The following DST variants were observed in gnomAD, a reference collection of about 807,000 sequenced individuals.
The protein encoded by DST is bullous pemphigoid antigen.
DST carries 253 observed loss-of-function variants against 875.2 expected under a neutral mutation model. The observed-to-expected ratio is 0.29, with a 90% CI of 0.26 to 0.32. The LOEUF is 0.32. Among genes scored for constraint, DST ranks in the 10% least tolerant of loss-of-function variants. DST has a pLI of 1.00. For synonymous variants in DST, 3,124 were observed against 3,197.1 expected, an observed-to-expected ratio of 0.98 and a Z score of 0.77; for missense variants, 8,287 against 9,111.6, an observed-to-expected ratio of 0.91 and a Z score of 3.68.
In DST at chr6:56,631,254, T is replaced by G. The variant is rs1169134341; in HGVS notation, c.4099A>C (p.Asn1367His). 1 of 1,613,974 alleles carries G rather than the reference T, an allele frequency of 6.2e-7. No individual in the cohort carries two copies. The highest frequency in any genetic ancestry group is 1.1e-5 in the South Asian group (1 of 91,074). Reference sequence around the variant, plus strand: ...GACATAGAATAGACTTGGTTCATGTTCTGAAGGACCACATTAAGCTCTGAT... The same window carrying G: ...GACATAGAATAGACTTGGTTCATGTGCTGAAGGACCACATTAAGCTCTGAT... ...LRSELNVVLQ[N>H]MNQVYSMSST... The change falls in exon 30 of 104, where the codon AAC becomes CAC. Residue 1367 changes from asparagine (N) to histidine (H), a missense_variant. By Grantham distance (68) the Asn-to-His change is moderately conservative. Around this residue, in one of 10 missense-constraint regions of DST, gnomAD observed 3,138 missense variants for 3,116.6 expected, o/e 1.01. Coordinates refer to ENST00000680361, the MANE Select transcript of DST (RefSeq NM_001374736.1).
chr6:56,681,743 T>C (rs2152843233), intron 9 of DST, among the ~76,000 whole-genome samples: 1 of 152,324 alleles, frequency 6.6e-6, no homozygotes, highest in East Asian at 1.9e-4. Context: ...TCAGTAAATA[T>C]CCAATGGACA....
At chr6:56,817,088 AACACACACAC>A (rs55717102) in intron 4 of DST, among the ~76,000 whole-genome samples, 11 of 149,250 alleles carry the variant, frequency 7.4e-5, no homozygotes, top group Non-Finnish European at 1.6e-4. Flanking sequence ...AAGCCACTTA[AACACACACAC>A]ACACACACAC....
intron 102 of DST, chr6:56,461,214 AT>A (rs1247729867): frequency 6.6e-6 from 1 of 152,018 alleles, no homozygotes; most frequent in Admixed American, 6.5e-5. Context: ...ATTAATAGTC[AT>A]TTATCTACAT....
chr6:56,635,552 T>A (rs751363664), intron 24 of DST, 37 bp downstream of exon 24: 1 of 1,607,926 alleles, frequency 6.2e-7, no homozygotes, highest in Admixed American at 1.7e-5. Flanking sequence ...TAATCACTTA[T>A]GCATACTTAT....
intron 2 of DST, among the ~76,000 whole-genome samples, chr6:56,930,587 T>C (rs551289644): frequency 4.7e-4 from 71 of 152,336 alleles, no homozygotes; most frequent in African/African-American, 1.6e-3. Flanking sequence ...ATAAAACAGA[T>C]TCTAGACGGG....
At chr6:56,685,004 A>T (rs1446316985) in intron 9 of DST, among the ~76,000 whole-genome samples, 1 of 16,188 alleles carries the variant, frequency 6.2e-5, no homozygotes. Context: ...CCCCCACCCC[A>T]CACAGAAGAG....
chr6:56,793,361 G>A (rs2153009286), intron 4 of DST, among the ~76,000 whole-genome samples: 2 of 152,104 alleles, frequency 1.3e-5, no homozygotes, highest in South Asian at 4.2e-4. Context: ...AATTTTAATG[G>A]TTCAGTAAAA....
intron 102 of DST, 67 bp downstream of exon 102, chr6:56,462,979 G>T: frequency 2.3e-6 from 2 of 864,870 alleles, no homozygotes; most frequent in South Asian, 1.7e-5. Context: ...GTGGTGCAAC[G>T]ATGTTAGTGA....
At position 56,954,647 on chromosome 6, in the gene DST, C is replaced by A; in HGVS notation, c.-60G>T. 8.7e-7 allele frequency: 1 copy of A among 1,150,414 alleles called. No individual in the cohort carries two copies. Among genetic ancestry groups the A allele is most frequent in the Non-Finnish European group, 1.1e-6 (1 of 910,220 alleles). 71.3% of individuals were successfully genotyped at this position (1,150,414 alleles called of 1,614,324 possible). On this transcript the variant is annotated 5_prime_UTR_variant, in exon 1 of 104. Transcript: ENST00000680361. ...GCTGGAGGGCGGCGGCACAGGCACCCGCGCTGGGCGCACGCCGGGACGGCG... is the reference window on the plus strand; with the variant it reads ...GCTGGAGGGCGGCGGCACAGGCACCAGCGCTGGGCGCACGCCGGGACGGCG...
chr6:56,649,453 T>TA (rs2098962031), intron 12 of DST, among the ~76,000 whole-genome samples: 1 of 152,176 alleles, frequency 6.6e-6, no homozygotes, highest in Non-Finnish European at 1.5e-5. Context: ...CTAAAACGGG[T>TA]AGTACATGCT....
Position 56,604,556 on chromosome 6 carries a change from T to C in DST, c.10072A>G (p.Ile3358Val). The C allele has an allele frequency of 1.2e-6, 2 of 1,612,302 alleles. No individual in the cohort carries two copies. Among genetic ancestry groups the C allele is most frequent in the East Asian group, 4.5e-5 (2 of 44,854 alleles). The change falls in exon 40 of 104, where the codon ATC (isoleucine) becomes GTC (valine). Residue 3358 changes from isoleucine (I) to valine (V), a missense_variant. Transcript: ENST00000680361. ...SQVFVEDVKD[I>V]LKSRLKEGHM... is the part of the protein sequence containing the mutation. ...CCTTCTTTCAACCTGCTTTTTAAGA[T>C]ATCCTTTACATCCTCCACAAATACC...
At chr6:56,917,008 A>AAAAAAC (rs1449615286) in intron 2 of DST, among the ~76,000 whole-genome samples, 3 of 101,442 alleles carry the variant, frequency 3.0e-5, no homozygotes, top group East Asian at 1.9e-4. Flanking sequence ...AAAAAAAAAA[A>AAAAAAC]AAAAAAAAAG....
In DST at chr6:56,920,895, A is replaced by ATTTTTTTT. The variant is rs35394550; in HGVS notation, c.217-20282_217-20275dup. 2.3e-4 allele frequency among the ~76,000 whole-genome samples: 14 copies of ATTTTTTTT among 59,678 alleles called. 3 individuals are homozygous for ATTTTTTTT. Among genetic ancestry groups the ATTTTTTTT allele is most frequent in the Admixed American group, 4.5e-4 (2 of 4,396 alleles). The allele number at this position is 59,678 out of a possible 152,430, so 39.2% of individuals were successfully genotyped here. ...AGGAACACACAACCACGCCCAGCTA[A>ATTTTTTTT]TTTTTTTTTTTTTTTTTTTTTTTTT... is the stretch of plus-strand genomic sequence containing the variant. On this transcript the variant is annotated intron_variant, in intron 2 of 103. Transcript: ENST00000680361.
Position 56,532,458 on chromosome 6 carries a change from C to T in DST, c.16994G>A (p.Arg5665Gln), listed in dbSNP as rs2096912716. ...DRKSTVEVIK[R>Q]EGEKIATTAE... ...TGTTGTAGCAATTTTTTCTCCTTCT[C>T]GTTTGATTACCTCCACCGTAGATTT... The change falls in exon 64 of 104, where the codon CGA (arginine) becomes CAA (glutamine). Residue 5665 changes from arginine (R) to glutamine (Q), a missense_variant. Arg to Gln is a conservative substitution (Grantham distance 43). Coordinates refer to ENST00000680361, the MANE Select transcript of DST (RefSeq NM_001374736.1). 4 of 1,610,934 alleles carry T rather than the reference C, an allele frequency of 2.5e-6. No individual in the cohort carries two copies. Among genetic ancestry groups the T allele is most frequent in the South Asian group, 1.1e-5 (1 of 90,428 alleles).
intron 4 of DST, among the ~76,000 whole-genome samples, chr6:56,820,002 T>C (rs2099771178): frequency 6.6e-6 from 1 of 152,236 alleles, no homozygotes; most frequent in Admixed American, 6.5e-5. Context: ...GTAATTTACT[T>C]AAAATTTATC....
chr6:56,730,030 A>T (rs2099490949), intron 5 of DST, among the ~76,000 whole-genome samples: 1 of 152,204 alleles, frequency 6.6e-6, no homozygotes, highest in Non-Finnish European at 1.5e-5. Context: ...TGTGTCAATA[A>T]ATTAAAGTTT....
chr6:56,549,156 C>A (rs2097278181), intron 61 of DST, among the ~76,000 whole-genome samples: 1 of 152,172 alleles, frequency 6.6e-6, no homozygotes, highest in African/African-American at 2.4e-5. Flanking sequence ...AAGGCACCCC[C>A]TGCTGAGTAA....
chr6:56,645,939 T>A lies in DST; in HGVS notation c.1705A>T (p.Ile569Leu). The A allele has an allele frequency of 1.2e-6, 2 of 1,613,858 alleles. No individual in the cohort carries two copies. The highest frequency in any genetic ancestry group is 1.3e-5 in the African/African-American group (1 of 75,044). ...KLLQGYHPND[I>L]EKEWGKLIIA... ...ATGAGTTTCCCCCACTCTTTTTCTA[T>A]GTCATTTGGATGATAACCTTGAAGG... The change falls in exon 15 of 104, where the codon ATA (isoleucine) becomes TTA (leucine). Residue 569 changes from isoleucine (I) to leucine (L), a missense_variant. This residue lies in a region of DST where 1,160 missense variants were observed against 1,424.3 expected (regional missense o/e 0.81). Transcript: ENST00000680361.
At chr6:56,653,472 G>T (rs1028939793) in intron 10 of DST, among the ~76,000 whole-genome samples, 1 of 152,082 alleles carries the variant, frequency 6.6e-6, no homozygotes, top group South Asian at 2.1e-4. Context: ...ATCACCTGAG[G>T]TCTGGAGTTT....
Sources: gnomAD v4.1 joint callset for allele counts (sites outside exome capture counted in the v4.1 genomes callset) on GRCh38, gnomAD v4.1.1 for gene constraint, gnomAD v4.1.1 regional missense constraint, MANE v1.5 for transcripts, NCBI Gene and HGNC (gene_info 2026-07-23, HGNC 2026-07-21) for gene names.